Variants in SMIM31 observed in about 807,000 individuals in gnomAD.
SMIM31 encodes the protein human epithelial cell program regulator.
intron 2 of SMIM31, among the ~76,000 whole-genome samples, chr4:164,779,311 G>T (rs191855342): frequency 6.6e-6 from 1 of 152,078 alleles, no homozygotes; most frequent in Non-Finnish European, 1.5e-5. Context: ...TAGTTCTGCG[G>T]GTGCCAAAGG....
intron 2 of SMIM31, among the ~76,000 whole-genome samples, chr4:164,798,434 G>A (rs1299311750): frequency 6.6e-6 from 1 of 151,560 alleles, no homozygotes; most frequent in Non-Finnish European, 1.5e-5. Context: ...GTAGAGACGG[G>A]GTTTCACCAT....
intron 2 of SMIM31, among the ~76,000 whole-genome samples, chr4:164,793,536 A>G (rs1733133611): frequency 6.6e-6 from 1 of 152,202 alleles, no homozygotes; most frequent in Admixed American, 6.5e-5. Flanking sequence ...AGATCAAGGT[A>G]CTGGTCAAGT....
chr4:164,770,313 C>T (rs924894102), intron 1 of SMIM31, 106 bp from the exon 2 acceptor site: 4 of 394,860 alleles, frequency 1.0e-5, no homozygotes, highest in Non-Finnish European at 1.8e-5. Context: ...AGTATTTTAA[C>T]AAGCTTTAGC....
At chr4:164,798,881 G>T (rs1215885921) in intron 2 of SMIM31, among the ~76,000 whole-genome samples, 2 of 152,116 alleles carry the variant, frequency 1.3e-5, no homozygotes, top group Admixed American at 6.5e-5. Flanking sequence ...GTGATAGGGA[G>T]GAGGTTCTCA....
chr4:164,771,916 G>A lies in SMIM31; in HGVS notation c.112+1361G>A, dbSNP rs578138592. On this transcript the variant is annotated intron_variant, in intron 2 of 2. Coordinates refer to ENST00000507311, the MANE Select transcript of SMIM31 (RefSeq NM_001352885.1). Reference sequence around the variant, plus strand: ...TAAAATGAAATTACTTAGCTATAGTGGAAATTAGAATGAAGCAGGGCTGAT... The same window carrying A: ...TAAAATGAAATTACTTAGCTATAGTAGAAATTAGAATGAAGCAGGGCTGAT... Among the ~76,000 whole-genome samples, 9 of 152,278 alleles carry A rather than the reference G, an allele frequency of 5.9e-5. No homozygotes were observed. The South Asian group carries it at 1.2e-3, about 21-fold the overall frequency.
intron 1 of SMIM31, among the ~76,000 whole-genome samples, chr4:164,763,172 C>G (rs1732674949): frequency 6.6e-6 from 1 of 152,186 alleles, no homozygotes; most frequent in Non-Finnish European, 1.5e-5. Context: ...CTTCTTTCAA[C>G]CTTATAAATG....
intron 2 of SMIM31, among the ~76,000 whole-genome samples, chr4:164,781,990 C>A (rs1460354064): frequency 6.6e-6 from 1 of 152,108 alleles, no homozygotes; most frequent in Non-Finnish European, 1.5e-5. Flanking sequence ...GGCCTATCTA[C>A]CTTAAAAAGT....
intron 2 of SMIM31, among the ~76,000 whole-genome samples, chr4:164,777,564 G>T (rs1208823053): frequency 6.6e-6 from 1 of 152,162 alleles, no homozygotes; most frequent in African/African-American, 2.4e-5. Context: ...GTCTTTGAAA[G>T]TTGTCTGGTG....
intron 2 of SMIM31, among the ~76,000 whole-genome samples, chr4:164,781,134 A>G (rs1434649465): frequency 1.6e-5 from 2 of 121,530 alleles, no homozygotes; most frequent in Non-Finnish European, 3.8e-5. Flanking sequence ...TTACATACAC[A>G]CACACACACA....
At chr4:164,760,482 G>A (rs1161125129) in intron 1 of SMIM31, among the ~76,000 whole-genome samples, 1 of 151,872 alleles carries the variant, frequency 6.6e-6, no homozygotes, top group Non-Finnish European at 1.5e-5. Context: ...TGTAATCCCA[G>A]CACTTTGGGA....
At chr4:164,797,111 C>T (rs990080486) in intron 2 of SMIM31, among the ~76,000 whole-genome samples, 1 of 152,192 alleles carries the variant, frequency 6.6e-6, no homozygotes, top group Non-Finnish European at 1.5e-5. Flanking sequence ...CATCACTCCT[C>T]ATCTCCCTCA....
intron 2 of SMIM31, among the ~76,000 whole-genome samples, chr4:164,788,478 C>CTTTTTTTTTTTT (rs72177805): frequency 0.021 from 1,238 of 58,178 alleles, 281 homozygotes; most frequent in Non-Finnish European, 0.028. Flanking sequence ...TCTAATTTTT[C>CTTTTTTTTTTTT]TTTTTTTTTT....
In SMIM31 at chr4:164,758,906, G is replaced by A. The variant is rs1213927461; in HGVS notation, c.-26+4495G>A. 6.5e-5 allele frequency among the ~76,000 whole-genome samples: 9 copies of A among 138,320 alleles called. No individual in the cohort carries two copies. In the South Asian group the frequency reaches 1.6e-3, roughly 25 times the overall value. The allele number at this position is 138,320 out of a possible 152,430, so 90.7% of individuals were successfully genotyped here. A position where few individuals can be genotyped will look rare whatever the true frequency, so the allele number is the denominator to read the frequency against. On this transcript the variant is annotated intron_variant, in intron 1 of 2. Coordinates refer to ENST00000507311, the MANE Select transcript of SMIM31 (RefSeq NM_001352885.1). ...GATGGTCTCGATCTCCTGACCTCGT[G>A]ATCTGCCCGCCTCAGCCTCCCAAAG...
chr4:164,800,654 G>T (rs1232106762), intron 2 of SMIM31, among the ~76,000 whole-genome samples: 2 of 152,202 alleles, frequency 1.3e-5, no homozygotes, highest in African/African-American at 4.8e-5. Flanking sequence ...ATGGATCCCA[G>T]TCTGTGGACA....
chr4:164,776,990 T>C (rs1364051192), intron 2 of SMIM31, among the ~76,000 whole-genome samples: 2 of 152,200 alleles, frequency 1.3e-5, no homozygotes, highest in African/African-American at 2.4e-5. Context: ...TAGGATCTCA[T>C]GGACTTGTAT....
At chr4:164,783,943 A>G (rs917783300) in intron 2 of SMIM31, among the ~76,000 whole-genome samples, 1 of 152,264 alleles carries the variant, frequency 6.6e-6, no homozygotes, top group Non-Finnish European at 1.5e-5. Context: ...TCTTCATGAC[A>G]TAACATTTTA....
intron 2 of SMIM31, among the ~76,000 whole-genome samples, chr4:164,776,692 C>T (rs552160613): frequency 6.6e-6 from 1 of 152,230 alleles, no homozygotes; most frequent in South Asian, 2.1e-4. Flanking sequence ...ACTGCTCATC[C>T]CAGCACCTAG....
chr4:164,790,156 G>A (rs1428108956), intron 2 of SMIM31, among the ~76,000 whole-genome samples: 1 of 152,008 alleles, frequency 6.6e-6, no homozygotes, highest in Non-Finnish European at 1.5e-5. Flanking sequence ...TACTTTCTAG[G>A]CACATTTTAC....
At chr4:164,788,472 A>ATTTTTTTTTTTTTTT (rs1187569698) in intron 2 of SMIM31, among the ~76,000 whole-genome samples, 5 of 60,502 alleles carry the variant, frequency 8.3e-5, no homozygotes, top group African/African-American at 1.3e-4. Flanking sequence ...CTTTCTTCTA[A>ATTTTTTTTTTTTTTT]TTTTTCTTTT....
Sources: gnomAD v4.1 joint callset for allele counts (sites outside exome capture counted in the v4.1 genomes callset) on GRCh38, gnomAD v4.1.1 for gene constraint, MANE v1.5 for transcripts, NCBI Gene and HGNC (gene_info 2026-07-23, HGNC 2026-07-21) for gene names.